Variants in PPHLN1 observed in about 807,000 individuals in gnomAD.
The protein encoded by PPHLN1 is periphilin-1.
In PPHLN1, 29 loss-of-function variants were observed where a neutral mutation model predicts 51.3. The observed-to-expected ratio is 0.57, with a 90% CI of 0.42 to 0.77. The LOEUF (loss-of-function observed/expected upper bound fraction) is 0.77, where lower values mean the gene tolerates loss of function less well. Among genes scored for constraint, PPHLN1 ranks in the 30% least tolerant of loss-of-function variants. The pLI is 0.00. For synonymous variants in PPHLN1, 147 were observed against 147.8 expected (o/e 0.99, Z 0.04); for missense variants, 436 against 438.4 (o/e 0.99, Z 0.05).
intron 5 of PPHLN1, among the ~76,000 whole-genome samples, chr12:42,383,511 G>T (rs1206403309): frequency 6.6e-6 from 1 of 152,194 alleles, no homozygotes; most frequent in Non-Finnish European, 1.5e-5. Flanking sequence ...GAATAGGAAA[G>T]TAAAAGTAAG....
chr12:42,399,556 C>T lies in PPHLN1; in HGVS notation c.909+562C>T, dbSNP rs151101414. The T allele has an allele frequency of 1.3e-3, 577 of 435,196 alleles. 2 individuals are homozygous for T. Among genetic ancestry groups the T allele is most frequent in the African/African-American group, 0.011 (534 of 46,522 alleles). 27.0% of individuals were successfully genotyped at this position (435,196 alleles called of 1,614,324 possible). On this transcript the variant is annotated intron_variant, in intron 9 of 9. Coordinates refer to ENST00000358314, the MANE Select transcript of PPHLN1 (RefSeq NM_201439.2). ...GTTTTATAAAATGTAACATTTTGTA[C>T]AGGTGCTTATTGATGTTGTTACTCT... is the stretch of plus-strand genomic sequence containing the variant.
At chr12:42,355,365 T>G in intron 4 of PPHLN1, 143 bp downstream of exon 4, 1 of 673,832 alleles carries the variant, frequency 1.5e-6, no homozygotes, top group Non-Finnish European at 2.6e-6. Flanking sequence ...TATATTCTTT[T>G]TGTGACTATG....
chr12:42,341,685 G>A (rs148053899), intron 2 of PPHLN1, among the ~76,000 whole-genome samples: 3 of 151,932 alleles, frequency 2.0e-5, no homozygotes, highest in African/African-American at 4.8e-5. Flanking sequence ...TGCAGCGGGC[G>A]ATCTCGGCTC....
chr12:42,361,876 G>GT (rs57960080), intron 4 of PPHLN1, among the ~76,000 whole-genome samples: 4,266 of 152,230 alleles, frequency 0.028, 218 homozygotes, highest in African/African-American at 0.098. Flanking sequence ...CGTGTTTTCA[G>GT]TTTTTTGGGT....
chr12:42,344,770 A>G (rs1259946662), intron 2 of PPHLN1, among the ~76,000 whole-genome samples: 1 of 144,958 alleles, frequency 6.9e-6, no homozygotes, highest in Non-Finnish European at 1.5e-5. Context: ...GTGCAGTGGC[A>G]TAATCTCGGC....
intron 9 of PPHLN1, among the ~76,000 whole-genome samples, chr12:42,418,171 C>A (rs561072997): frequency 2.0e-5 from 3 of 147,366 alleles, no homozygotes; most frequent in South Asian, 4.3e-4. Context: ...GATCTCATGA[C>A]CTCGTGATCT....
intron 9 of PPHLN1, among the ~76,000 whole-genome samples, chr12:42,425,629 C>T (rs944711755): frequency 1.6e-4 from 23 of 139,816 alleles, no homozygotes; most frequent in African/African-American, 5.4e-4. Context: ...CCTTGTGATC[C>T]ACCTGCCTCG....
At chr12:42,399,589 G>A (rs141097114) in intron 9 of PPHLN1, 96 of 225,216 alleles carry the variant, frequency 4.3e-4, no homozygotes, top group African/African-American at 2.0e-3. Flanking sequence ...TCTCTAGTGC[G>A]TTGAATAAAT....
chr12:42,335,782 T>G, intron 1 of PPHLN1, 101 bp from the exon 2 acceptor site: 1 of 513,034 alleles, frequency 1.9e-6, no homozygotes. Context: ...TCTCTTAAGA[T>G]CTCTGGAAAA....
intron 5 of PPHLN1, among the ~76,000 whole-genome samples, chr12:42,380,667 C>T (rs539640265): frequency 2.6e-5 from 4 of 152,040 alleles, no homozygotes; most frequent in African/African-American, 7.2e-5. Flanking sequence ...GTAATGTAGC[C>T]GAAATTCTGA....
At chr12:42,406,308 C>G (rs2079302423) in intron 9 of PPHLN1, among the ~76,000 whole-genome samples, 1 of 152,092 alleles carries the variant, frequency 6.6e-6, no homozygotes, top group African/African-American at 2.4e-5. Context: ...TCTCGATCTC[C>G]TGACCTCGTG....
rs71084642 is a variant in PPHLN1 at position 42,360,458 on chromosome 12, C to CTTTTTTTTTTTTTTTTTTTT, written c.299+5246_299+5265dup. ...ACAGTTCCTGAAGTGATGCTGAATT[C>CTTTTTTTTTTTTTTTTTTTT]TTTTTTTTTTTTTTTTTTTTTTTTT... On this transcript the variant is annotated intron_variant, in intron 4 of 9. Transcript: ENST00000358314. Among the ~76,000 whole-genome samples, 12 of 56,290 alleles carry CTTTTTTTTTTTTTTTTTTTT rather than the reference C, an allele frequency of 2.1e-4. 1 individual carries two copies. Among genetic ancestry groups the CTTTTTTTTTTTTTTTTTTTT allele is most frequent in the East Asian group, 1.3e-3 (2 of 1,504 alleles). The allele number at this position is 56,290 out of a possible 152,430, so 36.9% of individuals were successfully genotyped here.
At chr12:42,445,304 A>G (rs547301462), downstream of PPHLN1, 647 of 578,214 alleles carry the variant, frequency 1.1e-3, 2 homozygotes, top group Non-Finnish European at 1.7e-3. Context: ...AACAATGTCA[A>G]CTTACCCAGA....
intron 4 of PPHLN1, among the ~76,000 whole-genome samples, chr12:42,363,640 A>G (rs1252540495): frequency 6.6e-6 from 1 of 150,778 alleles, no homozygotes; most frequent in Non-Finnish European, 1.5e-5. Flanking sequence ...CCTGATGCCC[A>G]CTCCCCACTG....
chr12:42,446,918 A>C (rs2083350231), downstream of PPHLN1: 1 of 341,490 alleles, frequency 2.9e-6, no homozygotes, highest in Non-Finnish European at 5.3e-6. Context: ...GAAATCATGC[A>C]AGACTGCTCC....
intron 9 of PPHLN1, among the ~76,000 whole-genome samples, chr12:42,408,967 A>G (rs1015627213): frequency 2.6e-5 from 4 of 152,188 alleles, no homozygotes; most frequent in African/African-American, 9.7e-5. Flanking sequence ...TATTTTTCCT[A>G]TACATACATA....
chr12:42,378,090 CTCTTTCTT>C (rs57255344), intron 5 of PPHLN1, among the ~76,000 whole-genome samples: 45,818 of 140,272 alleles, frequency 0.33, 7,370 homozygotes, highest in East Asian at 0.36. Flanking sequence ...ATCTATCTTT[CTCTTTCTT>C]TCTTTCTTTC....
chr12:42,388,161 A>G (rs2077354278), intron 7 of PPHLN1, among the ~76,000 whole-genome samples: 2 of 152,212 alleles, frequency 1.3e-5, no homozygotes, highest in South Asian at 4.1e-4. Context: ...GAGGTGGATT[A>G]TTAAAAGAGG....
Position 42,352,038 on chromosome 12 carries a change from C to T in PPHLN1, c.226C>T (p.Pro76Ser), listed in dbSNP as rs2073430158. The change falls in exon 3 of 10, where the codon CCT becomes TCT. Residue 76 changes from proline (P) to serine (S), a missense_variant. Pro to Ser is a moderately conservative substitution (Grantham distance 74). Transcript: ENST00000358314. ...TTCTCATGATCGAAGAAGTGGTCCA[C>T]CTCACAGAGGAGTATGTAAATTTCC... ...SFSHDRRSGP[P>S]HRGDESGYRW... The T allele has an allele frequency of 2.0e-6, 3 of 1,521,802 alleles. No individual in the cohort carries two copies. The highest frequency in any genetic ancestry group is 2.9e-5 in the African/African-American group (2 of 69,878). 94.3% of individuals were successfully genotyped at this position (1,521,802 alleles called of 1,614,324 possible).
Sources: allele counts gnomAD v4.1 joint callset (sites outside exome capture counted in the v4.1 genomes callset), GRCh38; gene constraint gnomAD v4.1.1; transcripts MANE v1.5; gene names NCBI Gene and HGNC (gene_info 2026-07-23, HGNC 2026-07-21).